The following PATE4 variants were observed in gnomAD, a reference collection of about 807,000 sequenced individuals.
PATE4 encodes prostate and testis expressed protein 4.
A neutral mutation model predicts 8.5 loss-of-function variants in PATE4; 13 were observed. The observed-to-expected ratio is 1.53, with a 90% CI of 1.00 to 2.43. PATE4 has a LOEUF of 2.43. Ranked by LOEUF, PATE4 falls within the 30% of genes most tolerant of loss-of-function variation. The pLI, the probability that PATE4 is intolerant of heterozygous loss-of-function variation, is 0.00. For synonymous variants in PATE4, 47 were observed against 39.3 expected, an observed-to-expected ratio of 1.20 and a Z score of -0.73; for missense variants, 127 against 115.5, an observed-to-expected ratio of 1.10 and a Z score of -0.46.
rs1444657655 is a variant in PATE4 at position 125,837,940 on chromosome 11, T to C, written c.131T>C (p.Ile44Thr). 5 of 1,551,606 alleles carry C rather than the reference T, an allele frequency of 3.2e-6. No homozygotes were observed. The highest frequency in any genetic ancestry group is 1.7e-6 in the Non-Finnish European group (2 of 1,146,930). Residue 44 changes from isoleucine (I) to threonine (T), a missense_variant, in exon 2 of 3, where the codon ATT (isoleucine) becomes ACT (threonine). Transcript: ENST00000457514. ...WKCMAGRGTC[I>T]AKENELCSTT... Reference sequence around the variant, plus strand: ...TGTATGGCAGGCCGAGGCACTTGCATTGCAAAAGAAAATGAGTTATGTTCA... The same window carrying C: ...TGTATGGCAGGCCGAGGCACTTGCACTGCAAAAGAAAATGAGTTATGTTCA...
chr11:125,838,061 C>T (rs1488623140), intron 2 of PATE4, 77 bp downstream of exon 2: 20 of 1,199,744 alleles, frequency 1.7e-5, no homozygotes, highest in Non-Finnish European at 2.0e-5. Flanking sequence ...ATAAAGAACT[C>T]GATATCATTT....
chr11:125,839,653 G>A lies in PATE4; in HGVS notation c.*1226G>A, dbSNP rs1213594437. ...GGGAAGCCTCACAATCATGGCAGAA[G>A]GTAAAAGGCATGTCTCACATAGTGA... is the stretch of plus-strand genomic sequence containing the variant. On this transcript the variant is annotated 3_prime_UTR_variant, in exon 3 of 3. Coordinates refer to ENST00000457514, the MANE Select transcript of PATE4 (RefSeq NM_001144874.1). The A allele has an allele frequency of 6.6e-6, 1 of 152,658 alleles. No individual in the cohort carries two copies. Among genetic ancestry groups the A allele is most frequent in the Non-Finnish European group, 1.5e-5 (1 of 68,446 alleles). The allele number at this position is 152,658 out of a possible 1,614,324, so 9.5% of individuals were successfully genotyped here. A position where few individuals can be genotyped will look rare whatever the true frequency, so the allele number is the denominator to read the frequency against.
At chr11:125,836,405 G>C (rs1344734675) in intron 1 of PATE4, among the ~76,000 whole-genome samples, 1 of 152,158 alleles carries the variant, frequency 6.6e-6, no homozygotes, top group Non-Finnish European at 1.5e-5. Context: ...TCAGGAAGTT[G>C]AATCTCTGCT....
rs1364063671 is a variant in PATE4, at chr11:125,838,617, T to C, written c.*190T>C. Reference sequence around the variant, plus strand: ...CTCCACCACTAGATTCCTAAAATCATGAGCATTGAAACAAAATCCTCCATG... The same window carrying C: ...CTCCACCACTAGATTCCTAAAATCACGAGCATTGAAACAAAATCCTCCATG... On this transcript the variant is annotated 3_prime_UTR_variant, in exon 3 of 3. Transcript: ENST00000457514. 5 of 553,736 alleles carry C rather than the reference T, an allele frequency of 9.0e-6. No homozygotes were observed. The highest frequency in any genetic ancestry group is 1.2e-5 in the Non-Finnish European group (4 of 337,034). 34.3% of individuals were successfully genotyped at this position (553,736 alleles called of 1,614,324 possible).
chr11:125,838,389 A>G lies in PATE4; in HGVS notation c.259A>G (p.Thr87Ala), dbSNP rs746114129. The part of the protein sequence containing the change: ...ESSKRGLLRV[T>A]LCCDRNFCNV... ...CTCCAAAAGAGGCCTGTTGAGAGTG[A>G]CACTGTGCTGTGACAGAAACTTCTG... Residue 87 changes from threonine to alanine, a missense_variant, in exon 3 of 3, where the codon ACA (threonine) becomes GCA (alanine). By Grantham distance (58) the Thr-to-Ala change is moderately conservative. Coordinates refer to ENST00000457514, the MANE Select transcript of PATE4 (RefSeq NM_001144874.1). 7.2e-5 allele frequency: 112 copies of G among 1,551,414 alleles called. 5 individuals are homozygous for G. The Middle Eastern group carries it at 0.014, about 192-fold the overall frequency.
In PATE4 at chr11:125,838,446, A is replaced by T; in HGVS notation, c.*19A>T. The stretch of plus-strand genomic sequence containing the variant: ...CTTCTAATGGAGCTTAGGAACTTGC[A>T]GAGGATCATCTGATCAAGATCCAGA... On this transcript the variant is annotated 3_prime_UTR_variant, in exon 3 of 3. Coordinates refer to ENST00000457514, the MANE Select transcript of PATE4 (RefSeq NM_001144874.1). The T allele has an allele frequency of 1.3e-6, 2 of 1,533,674 alleles. No homozygotes were observed. The highest frequency in any genetic ancestry group is 1.8e-6 in the Non-Finnish European group (2 of 1,142,144).
chr11:125,837,928 G>A lies in PATE4; in HGVS notation c.119G>A (p.Arg40Gln), dbSNP rs1381392664. Residue 40 changes from arginine to glutamine, a missense_variant, in exon 2 of 3, where the codon CGA becomes CAA. Transcript: ENST00000457514. ...GAAGGATGGAAGTGTATGGCAGGCC[G>A]AGGCACTTGCATTGCAAAAGAAAAT... is the stretch of plus-strand genomic sequence containing the variant. ...YTEGWKCMAGRGTCIAKENEL... is the reference protein window; with the variant it reads ...YTEGWKCMAGQGTCIAKENEL... The A allele has an allele frequency of 3.2e-6, 5 of 1,551,624 alleles. No individual in the cohort carries two copies. Among genetic ancestry groups the A allele is most frequent in the Non-Finnish European group, 4.4e-6 (5 of 1,146,930 alleles).
At chr11:125,836,194 G>A (rs1003036872) in intron 1 of PATE4, among the ~76,000 whole-genome samples, 1 of 151,520 alleles carries the variant, frequency 6.6e-6, no homozygotes, top group Non-Finnish European at 1.5e-5. Context: ...GCAGGACTAG[G>A]AGAACTAGCT....
At chr11:125,833,447 G>C (rs966744850) in intron 1 of PATE4, 30 bp downstream of exon 1, 1 of 1,537,206 alleles carries the variant, frequency 6.5e-7, no homozygotes, top group African/African-American at 1.4e-5. Context: ...GTGGAGGGAG[G>C]CAACTTAGGG....
At chr11:125,833,472 A>C (rs1943901099) in intron 1 of PATE4, 55 bp downstream of exon 1, 1 of 1,462,860 alleles carries the variant, frequency 6.8e-7, no homozygotes, top group African/African-American at 1.4e-5. Flanking sequence ...TGTTCTCTAA[A>C]CCTCTACTCT....
intron 2 of PATE4, 107 bp downstream of exon 2, chr11:125,838,091 G>T: frequency 2.9e-6 from 3 of 1,045,042 alleles, no homozygotes; most frequent in Non-Finnish European, 2.8e-6. Context: ...AGGAGGTAAG[G>T]CAAGGAATAA....
intron 1 of PATE4, chr11:125,835,120 A>G (rs1301036905): frequency 1.3e-5 from 2 of 152,202 alleles, no homozygotes; most frequent in African/African-American, 4.8e-5. Context: ...ATGCATTTTT[A>G]GAATGTTGAA....
Position 125,839,683 on chromosome 11 carries a change from CAAGAG to C in PATE4, c.*1263_*1267del. 6.6e-6 allele frequency: 1 copy of C among 152,406 alleles called. No homozygotes were observed. The highest frequency in any genetic ancestry group is 1.5e-5 in the Non-Finnish European group (1 of 68,102). The allele number at this position is 152,406 out of a possible 1,614,324, so 9.4% of individuals were successfully genotyped here. A position where few individuals can be genotyped will look rare whatever the true frequency, so the allele number is the denominator to read the frequency against. On this transcript the variant is annotated 3_prime_UTR_variant, in exon 3 of 3. Transcript: ENST00000457514. ...AAGGCATGTCTCACATAGTGACAGA[CAAGAG>C]AAGAGAGATTGTGCAGGAAAACTCT...
chr11:125,838,606 T>C lies in PATE4; in HGVS notation c.*179T>C. ...CCACACCCCACCTCCACCACTAGAT[T>C]CCTAAAATCATGAGCATTGAAACAA... On this transcript the variant is annotated 3_prime_UTR_variant, in exon 3 of 3. Transcript: ENST00000457514. 1.7e-6 allele frequency: 1 copy of C among 585,028 alleles called. No individual in the cohort carries two copies. Among genetic ancestry groups the C allele is most frequent in the Non-Finnish European group, 2.7e-6 (1 of 365,990 alleles). 36.2% of individuals were successfully genotyped at this position (585,028 alleles called of 1,614,324 possible). A position where few individuals can be genotyped will look rare whatever the true frequency, so the allele number is the denominator to read the frequency against.
At chr11:125,835,609 G>T (rs188490191) in intron 1 of PATE4, 1 of 152,240 alleles carries the variant, frequency 6.6e-6, no homozygotes, top group African/African-American at 2.4e-5. Flanking sequence ...TTTTGTGGGG[G>T]AAATCCTGAA....
Position 125,838,348 on chromosome 11 carries a change from G to C in PATE4, c.218G>C (p.Cys73Ser), listed in dbSNP as rs1005868409. 6.4e-7 allele frequency: 1 copy of C among 1,551,252 alleles called. No individual in the cohort carries two copies. Residue 73 changes from cysteine to serine, a missense_variant, in exon 3 of 3, where the codon TGC becomes TCC. Cys to Ser is a moderately radical substitution (Grantham distance 112). Coordinates refer to ENST00000457514, the MANE Select transcript of PATE4 (RefSeq NM_001144874.1). Reference sequence around the variant, plus strand: ...TCAACACATATGTGTAAGTATAAGTGCCGGGAAGAGGAGTCCTCCAAAAGA... The same window carrying C: ...TCAACACATATGTGTAAGTATAAGTCCCGGGAAGAGGAGTCCTCCAAAAGA... ...MYSTHMCKYK[C>S]REEESSKRGL...
At position 125,833,379 on chromosome 11, in the gene PATE4, T is replaced by C. The variant is rs1287325698; in HGVS notation, c.20T>C (p.Leu7Pro). ...CATCCAATGAGGAAAATGAACACAC[T>C]GCTCCTTGTGAGCTTATCTTTTCTC... Reference protein sequence around the residue: MRKMNTLLLVSLSFLYL... With the variant: MRKMNTPLLVSLSFLYL... Residue 7 changes from leucine to proline, a missense_variant, in exon 1 of 3, where the codon CTG (leucine) becomes CCG (proline). By Grantham distance (98) the Leu-to-Pro change is moderately conservative. Coordinates refer to ENST00000457514, the MANE Select transcript of PATE4 (RefSeq NM_001144874.1). 1 of 1,551,528 alleles carries C rather than the reference T, an allele frequency of 6.4e-7. No homozygotes were observed. Among genetic ancestry groups the C allele is most frequent in the Non-Finnish European group, 8.7e-7 (1 of 1,146,884 alleles).
chr11:125,833,456 G>C, intron 1 of PATE4, 39 bp downstream of exon 1: 1 of 1,522,234 alleles, frequency 6.6e-7, no homozygotes, highest in Non-Finnish European at 8.9e-7. Context: ...GGCAACTTAG[G>C]GGTGCTGTTC....
intron 1 of PATE4, 97 bp from the exon 2 acceptor site, chr11:125,837,771 C>A: frequency 1.4e-6 from 1 of 740,118 alleles, no homozygotes. Flanking sequence ...AGTGAGTGGA[C>A]AGTATCGTCA....
Sources: allele counts gnomAD v4.1 joint callset (sites outside exome capture counted in the v4.1 genomes callset), GRCh38; gene constraint gnomAD v4.1.1; transcripts MANE v1.5; gene names NCBI Gene and HGNC (gene_info 2026-07-23, HGNC 2026-07-21).